The following LRMDA variants were observed in gnomAD, a reference collection of about 807,000 sequenced individuals.
LRMDA encodes the protein leucine rich melanocyte differentiation associated.
Under a neutral mutation model 29.8 loss-of-function variants are expected in LRMDA, and 18 were observed. The observed-to-expected ratio is 0.60, with a 90% CI of 0.42 to 0.90. LRMDA has a LOEUF of 0.90. LRMDA is among the 40% of genes least tolerant of loss of function. The probability of loss-of-function intolerance (pLI) is 0.00; values close to 1 mark genes in which losing one functional copy is unlikely to be tolerated. For synonymous variants in LRMDA, 125 were observed against 109.4 expected, an observed-to-expected ratio of 1.14 and a Z score of -0.89; for missense variants, 273 against 273.9, an observed-to-expected ratio of 1.00 and a Z score of 0.02.
intron 2 of LRMDA, among the ~76,000 whole-genome samples, chr10:75,878,753 C>A (rs528133784): frequency 2.2e-4 from 34 of 152,258 alleles, no homozygotes; most frequent in Non-Finnish European, 4.3e-4. Context: ...TCCCTGCCCC[C>A]TCCTGTATCA....
At chr10:75,880,900 G>T (rs1375467649) in intron 2 of LRMDA, among the ~76,000 whole-genome samples, 1 of 152,176 alleles carries the variant, frequency 6.6e-6, no homozygotes, top group Non-Finnish European at 1.5e-5. Context: ...CTGCACAGTC[G>T]GGCAGCCAGG....
At chr10:75,886,965 C>A (rs1445133827) in intron 2 of LRMDA, among the ~76,000 whole-genome samples, 1 of 152,062 alleles carries the variant, frequency 6.6e-6, no homozygotes, top group Non-Finnish European at 1.5e-5. Flanking sequence ...GATTTTATAA[C>A]ATCCAAGGTG....
At chr10:75,466,617 G>A (rs747955859) in intron 2 of LRMDA, among the ~76,000 whole-genome samples, 1 of 152,056 alleles carries the variant, frequency 6.6e-6, no homozygotes, top group Non-Finnish European at 1.5e-5. Context: ...AAAAAGTCTG[G>A]GCTCATTCCC....
chr10:76,548,450 C>CA (rs11340326), intron 6 of LRMDA, among the ~76,000 whole-genome samples: 2,401 of 137,700 alleles, frequency 0.017, 39 homozygotes, highest in East Asian at 0.063. Flanking sequence ...TGGCTTGGAC[C>CA]AAAAAAAAAA....
chr10:75,925,403 A>G (rs1376180894), intron 2 of LRMDA, among the ~76,000 whole-genome samples: 1 of 152,130 alleles, frequency 6.6e-6, no homozygotes, highest in Admixed American at 6.5e-5. Flanking sequence ...GTTGCTTGAG[A>G]GTGTTAGCGT....
intron 5 of LRMDA, among the ~76,000 whole-genome samples, chr10:76,175,894 G>T (rs1011162789): frequency 6.6e-6 from 1 of 152,216 alleles, no homozygotes; most frequent in Non-Finnish European, 1.5e-5. Flanking sequence ...ATGTCAGCAG[G>T]TGATGGCACT....
intron 5 of LRMDA, among the ~76,000 whole-genome samples, chr10:76,162,579 G>A (rs1476465873): frequency 6.6e-6 from 1 of 152,138 alleles, no homozygotes; most frequent in African/African-American, 2.4e-5. Flanking sequence ...GATAGTGGGA[G>A]CAGGAGCAAG....
At chr10:75,498,659 G>A (rs187378938) in intron 2 of LRMDA, among the ~76,000 whole-genome samples, 3 of 152,284 alleles carry the variant, frequency 2.0e-5, no homozygotes, top group East Asian at 1.9e-4. Context: ...ATTGATTTAT[G>A]AGGAAAGATG....
chr10:75,950,265 G>A (rs1239769042), intron 2 of LRMDA, among the ~76,000 whole-genome samples: 1 of 152,192 alleles, frequency 6.6e-6, no homozygotes, highest in Non-Finnish European at 1.5e-5. Flanking sequence ...CAGGGCCAAT[G>A]GCACTCATCA....
intron 6 of LRMDA, among the ~76,000 whole-genome samples, chr10:76,550,919 T>C (rs1843486761): frequency 6.6e-6 from 1 of 152,234 alleles, no homozygotes; most frequent in South Asian, 2.1e-4. Context: ...CAGGCTCCAC[T>C]AAATCCTGTG....
chr10:75,604,990 T>A (rs966727421), intron 2 of LRMDA, among the ~76,000 whole-genome samples: 1 of 152,198 alleles, frequency 6.6e-6, no homozygotes, highest in Non-Finnish European at 1.5e-5. Flanking sequence ...CCAAACAAAA[T>A]GTTTTGTTTA....
intron 2 of LRMDA, among the ~76,000 whole-genome samples, chr10:75,568,921 C>T (rs1840404044): frequency 6.6e-6 from 1 of 152,116 alleles, no homozygotes. Flanking sequence ...TGACTAATTC[C>T]ACCACTGACA....
intron 6 of LRMDA, among the ~76,000 whole-genome samples, chr10:76,348,820 A>G (rs1357926557): frequency 1.3e-5 from 2 of 152,262 alleles, no homozygotes; most frequent in African/African-American, 4.8e-5. Flanking sequence ...AGAAACTCAG[A>G]CAAATAAATG....
chr10:75,856,782 T>A (rs1461980224), intron 2 of LRMDA, among the ~76,000 whole-genome samples: 2 of 152,192 alleles, frequency 1.3e-5, no homozygotes, highest in Non-Finnish European at 2.9e-5. Flanking sequence ...AAGACAGGGA[T>A]GCCCTCTCTC....
intron 2 of LRMDA, among the ~76,000 whole-genome samples, chr10:75,963,072 G>A (rs1846796563): frequency 6.6e-6 from 1 of 152,160 alleles, no homozygotes; most frequent in Non-Finnish European, 1.5e-5. Flanking sequence ...AATGTCTTTT[G>A]CTGATCTTCT....
intron 2 of LRMDA, among the ~76,000 whole-genome samples, chr10:76,019,142 G>A (rs1847929031): frequency 6.6e-6 from 1 of 152,110 alleles, no homozygotes; most frequent in African/African-American, 2.4e-5. Context: ...CTCGGGCCGG[G>A]TGCAGCTCAC....
chr10:76,481,353 C>T (rs1198786980), intron 6 of LRMDA, among the ~76,000 whole-genome samples: 2 of 151,854 alleles, frequency 1.3e-5, no homozygotes, highest in Non-Finnish European at 2.9e-5. Flanking sequence ...TGGCCTGGTT[C>T]CTTTGATGAA....
intron 5 of LRMDA, among the ~76,000 whole-genome samples, chr10:76,204,710 ATCTGTT>A (rs1454188587): frequency 6.6e-6 from 1 of 152,256 alleles, no homozygotes; most frequent in Admixed American, 6.5e-5. Context: ...AGAACCTGAC[ATCTGTT>A]TCTTAAGTTT....
intron 2 of LRMDA, among the ~76,000 whole-genome samples, chr10:75,765,207 T>G (rs1054641986): frequency 6.7e-6 from 1 of 150,060 alleles, no homozygotes; most frequent in Non-Finnish European, 1.5e-5. Context: ...CACTCTTTGT[T>G]AGGTGTCTTT....
Sources: allele counts gnomAD v4.1 joint callset (sites outside exome capture counted in the v4.1 genomes callset), GRCh38; gene constraint gnomAD v4.1.1; transcripts MANE v1.5; gene names NCBI Gene and HGNC (gene_info 2026-07-23, HGNC 2026-07-21).